BCL2L11: variants seen among roughly 807,000 people sequenced by gnomAD.
BCL2L11 encodes the protein BCL2 like 11, also known as bcl-2-like protein 11.
In BCL2L11, 15 loss-of-function variants were observed where a neutral mutation model predicts 20.6. That is an observed-to-expected ratio of 0.73 (90% CI 0.49 to 1.12). The LOEUF (loss-of-function observed/expected upper bound fraction) is 1.12. BCL2L11 is among the 50% of genes most tolerant of loss of function. The pLI, the probability that BCL2L11 is intolerant of heterozygous loss-of-function variation, is 0.00. For synonymous variants in BCL2L11, 108 were observed against 92.8 expected (o/e 1.16, Z -0.94); for missense variants, 292 against 260.9 (o/e 1.12, Z -0.82).
intron 2 of BCL2L11, among the ~76,000 whole-genome samples, chr2:111,145,314 T>C (rs1186550482): frequency 1.3e-5 from 2 of 152,168 alleles, no homozygotes; most frequent in Non-Finnish European, 2.9e-5. Context: ...AGTCATTAGA[T>C]GTCACTTTAT....
intron 2 of BCL2L11, chr2:111,128,898 A>G (rs1026884112): frequency 2.5e-5 from 32 of 1,297,456 alleles, no homozygotes; most frequent in South Asian, 2.1e-4. Flanking sequence ...AAAATGCACA[A>G]TTAGATTTGT....
intron 2 of BCL2L11, among the ~76,000 whole-genome samples, chr2:111,124,651 T>C (rs1410581463): frequency 6.6e-6 from 1 of 152,198 alleles, no homozygotes; most frequent in African/African-American, 2.4e-5. Flanking sequence ...GGTCCAAACA[T>C]TAGCTTTCAG....
At chr2:111,143,801 G>A (rs748952762) in intron 2 of BCL2L11, among the ~76,000 whole-genome samples, 5 of 152,150 alleles carry the variant, frequency 3.3e-5, no homozygotes, top group Non-Finnish European at 4.4e-5. Flanking sequence ...TATGTGTGTC[G>A]GGGACAGCTC....
rs116445365 is a variant in BCL2L11 at position 111,137,729 on chromosome 2, G to T, written c.395-12315G>T. Among the ~76,000 whole-genome samples, 345 of 150,076 alleles carry T rather than the reference G, an allele frequency of 2.3e-3. 3 individuals are homozygous for T. The highest frequency in any genetic ancestry group is 8.0e-3 in the African/African-American group (325 of 40,694). On this transcript the variant is annotated intron_variant, in intron 2 of 3. Transcript: ENST00000393256. ...TTTATACAGCCAAACGACTGTCCTT[G>T]GTCCTCTAATGGGAGGGGAGAATCT...
chr2:111,126,029 A>G (rs990235453), intron 2 of BCL2L11, among the ~76,000 whole-genome samples: 1 of 152,142 alleles, frequency 6.6e-6, no homozygotes, highest in Non-Finnish European at 1.5e-5. Context: ...TTAGCTTTTC[A>G]CACTTTCACA....
chr2:111,155,441 G>T (rs1242789803), intron 3 of BCL2L11, among the ~76,000 whole-genome samples: 1 of 152,184 alleles, frequency 6.6e-6, no homozygotes, highest in Non-Finnish European at 1.5e-5. Flanking sequence ...GGTACTGGAA[G>T]GATAGTGTCT....
Position 111,167,015 on chromosome 2 carries a change from G to A in BCL2L11, c.*2784G>A, listed in dbSNP as rs572633935. 1.3e-5 allele frequency: 2 copies of A among 152,558 alleles called. No individual in the cohort carries two copies. The highest frequency in any genetic ancestry group is 4.1e-4 in the South Asian group (2 of 4,830). The allele number at this position is 152,558 out of a possible 1,614,324, so 9.5% of individuals were successfully genotyped here. On this transcript the variant is annotated 3_prime_UTR_variant, in exon 4 of 4. Transcript: ENST00000393256. ...TTTTTCTCAACTTTTTCAAAATCAA[G>A]GATTGTAAATATTGTAGATTCTTTT... is the stretch of plus-strand genomic sequence containing the variant.
intron 2 of BCL2L11, among the ~76,000 whole-genome samples, chr2:111,142,850 G>T (rs954825779): frequency 2.0e-5 from 3 of 152,076 alleles, no homozygotes; most frequent in East Asian, 1.9e-4. Flanking sequence ...CCCAGATCTG[G>T]TTTTTTGGCT....
intron 3 of BCL2L11, chr2:111,161,402 G>C: frequency 1.3e-6 from 2 of 1,550,330 alleles, no homozygotes; most frequent in Non-Finnish European, 1.7e-6. Flanking sequence ...GAACTTAAAT[G>C]CACTTTTGAT....
At chr2:111,128,918 T>C (rs2150291162) in intron 2 of BCL2L11, 1 of 1,168,994 alleles carries the variant, frequency 8.6e-7, no homozygotes, top group Non-Finnish European at 1.2e-6. Context: ...TGGCTGGTGT[T>C]CTGTTTCATC....
intron 3 of BCL2L11, among the ~76,000 whole-genome samples, chr2:111,153,271 C>G (rs901787094): frequency 7.2e-5 from 11 of 151,732 alleles, no homozygotes; most frequent in East Asian, 1.9e-4. Context: ...CCCAGCTACT[C>G]GGGAGGCTGA....
intron 3 of BCL2L11, 53 bp from the exon 4 acceptor site, chr2:111,164,075 ACCCCT>A: frequency 8.9e-6 from 5 of 564,522 alleles, no homozygotes; most frequent in East Asian, 4.4e-5. Context: ...ATGGGCTCCC[ACCCCT>A]CCCCACCCCC....
intron 2 of BCL2L11, among the ~76,000 whole-genome samples, chr2:111,135,193 C>G (rs1212666202): frequency 6.6e-6 from 1 of 152,172 alleles, no homozygotes; most frequent in Non-Finnish European, 1.5e-5. Context: ...TAGATTTTCT[C>G]TCTCTTCAGA....
rs1485866694 is a variant in BCL2L11, at chr2:111,167,128, C to A, written c.*2897C>A. The A allele has an allele frequency of 6.6e-6, 1 of 152,578 alleles. No individual in the cohort carries two copies. The highest frequency in any genetic ancestry group is 1.5e-5 in the Non-Finnish European group (1 of 68,030). The allele number at this position is 152,578 out of a possible 1,614,324, so 9.5% of individuals were successfully genotyped here. A position where few individuals can be genotyped will look rare whatever the true frequency, so the allele number is the denominator to read the frequency against. On this transcript the variant is annotated 3_prime_UTR_variant, in exon 4 of 4. Coordinates refer to ENST00000393256, the MANE Select transcript of BCL2L11 (RefSeq NM_138621.5). Reference sequence around the variant, plus strand: ...TTCTGCTTATTTAATGTCTTAATTTCTGAAAAGTATTAACATCCCTGTCTC... The same window carrying A: ...TTCTGCTTATTTAATGTCTTAATTTATGAAAAGTATTAACATCCCTGTCTC...
intron 3 of BCL2L11, chr2:111,154,020 C>A (rs575668157): frequency 1.7e-6 from 2 of 1,169,216 alleles, no homozygotes; most frequent in South Asian, 2.6e-5. Flanking sequence ...TTTTACTACT[C>A]CAGTGGATTT....
intron 3 of BCL2L11, among the ~76,000 whole-genome samples, chr2:111,153,272 G>A (rs1484732094): frequency 6.6e-6 from 1 of 151,964 alleles, no homozygotes; most frequent in Non-Finnish European, 1.5e-5. Context: ...CCAGCTACTC[G>A]GGAGGCTGAG....
At chr2:111,145,428 G>A (rs1212369807) in intron 2 of BCL2L11, among the ~76,000 whole-genome samples, 1 of 152,012 alleles carries the variant, frequency 6.6e-6, no homozygotes, top group Non-Finnish European at 1.5e-5. Context: ...GAAGCTCTTG[G>A]ACATTAAAGA....
rs1034861388 is a variant in BCL2L11, at chr2:111,167,275, T to G, written c.*3044T>G. On this transcript the variant is annotated 3_prime_UTR_variant, in exon 4 of 4. Coordinates refer to ENST00000393256, the MANE Select transcript of BCL2L11 (RefSeq NM_138621.5). The stretch of plus-strand genomic sequence containing the variant: ...CACCTTCGGGTCCTGGTATTTCCAG[T>G]CAAGTGGGTTTCAATTCTTGGGCTT... 1 of 152,224 alleles carries G rather than the reference T, an allele frequency of 6.6e-6. No individual in the cohort carries two copies. The highest frequency in any genetic ancestry group is 1.5e-5 in the Non-Finnish European group (1 of 68,046). 9.4% of individuals were successfully genotyped at this position (152,224 alleles called of 1,614,324 possible).
chr2:111,167,419 TATC>T lies in BCL2L11; in HGVS notation c.*3191_*3193del, dbSNP rs2079074474. 3 of 152,410 alleles carry T rather than the reference TATC, an allele frequency of 2.0e-5. No individual in the cohort carries two copies. The highest frequency in any genetic ancestry group is 7.2e-5 in the African/African-American group (3 of 41,580). The allele number at this position is 152,410 out of a possible 1,614,324, so 9.4% of individuals were successfully genotyped here. A position where few individuals can be genotyped will look rare whatever the true frequency, so the allele number is the denominator to read the frequency against. The stretch of plus-strand genomic sequence containing the variant: ...TCTGTTTGTTCCAAAGCAACTAGCT[TATC>T]ATGCAAGCAAATTTTGCTGACTCCA... On this transcript the variant is annotated 3_prime_UTR_variant, in exon 4 of 4. Coordinates refer to ENST00000393256, the MANE Select transcript of BCL2L11 (RefSeq NM_138621.5).
Sources: allele counts gnomAD v4.1 joint callset (sites outside exome capture counted in the v4.1 genomes callset), GRCh38; gene constraint gnomAD v4.1.1; transcripts MANE v1.5; gene names NCBI Gene and HGNC (gene_info 2026-07-23, HGNC 2026-07-21).